Variants in HELZ observed in about 807,000 individuals in gnomAD.
HELZ encodes the protein ATP-dependent RNA helicase with zinc finger domain.
A neutral mutation model predicts 218.2 loss-of-function variants in HELZ; 23 were observed. The observed-to-expected ratio is 0.11, with a 90% CI of 0.08 to 0.15. The LOEUF (loss-of-function observed/expected upper bound fraction) is 0.15. Among genes scored for constraint, HELZ ranks in the 10% least tolerant of loss-of-function variants. The pLI, the probability that HELZ is intolerant of heterozygous loss-of-function variation, is 1.00. For missense variants in HELZ, 1,813 were observed against 2,353.7 expected, an observed-to-expected ratio of 0.77 and a Z score of 4.75; for synonymous variants, 814 against 829.4, an observed-to-expected ratio of 0.98 and a Z score of 0.32.
chr17:67,201,840 T>A (rs906781028), intron 6 of HELZ, among the ~76,000 whole-genome samples: 1 of 152,184 alleles, frequency 6.6e-6, no homozygotes, highest in African/African-American at 2.4e-5. Flanking sequence ...GCTATATAAT[T>A]TTTCTATGCT....
intron 31 of HELZ, among the ~76,000 whole-genome samples, chr17:67,103,372 C>T (rs2036987868): frequency 6.6e-6 from 1 of 151,942 alleles, no homozygotes; most frequent in Non-Finnish European, 1.5e-5. Flanking sequence ...AAGATATCTA[C>T]AAAAAAATCT....
At chr17:67,181,501 T>TG (rs2144242719) in intron 12 of HELZ, among the ~76,000 whole-genome samples, 1 of 152,342 alleles carries the variant, frequency 6.6e-6, no homozygotes, top group Admixed American at 6.5e-5. Flanking sequence ...CTTAAATGCT[T>TG]GTATCAAAAT....
chr17:67,228,556 G>C (rs561646965), intron 3 of HELZ, among the ~76,000 whole-genome samples: 2 of 151,936 alleles, frequency 1.3e-5, no homozygotes, highest in South Asian at 4.2e-4. Flanking sequence ...CCAGCTACTT[G>C]GAAGCTGAGA....
intron 4 of HELZ, 101 bp downstream of exon 4, chr17:67,218,494 A>T: frequency 1.1e-6 from 1 of 894,436 alleles, no homozygotes; most frequent in Non-Finnish European, 1.8e-6. Flanking sequence ...CACTTCACTC[A>T]CATCTCTTTG....
intron 17 of HELZ, among the ~76,000 whole-genome samples, chr17:67,155,930 G>A (rs1435895485): frequency 6.7e-6 from 1 of 149,588 alleles, no homozygotes; most frequent in East Asian, 1.9e-4. Flanking sequence ...ATGTGTGTGT[G>A]TATATATTAT....
intron 17 of HELZ, among the ~76,000 whole-genome samples, chr17:67,156,075 A>G (rs2038834266): frequency 6.7e-6 from 1 of 150,208 alleles, no homozygotes; most frequent in Admixed American, 6.6e-5. Flanking sequence ...ACTGCTAAAA[A>G]AGTAAAAAAT....
intron 32 of HELZ, among the ~76,000 whole-genome samples, chr17:67,084,790 A>G (rs2036312844): frequency 6.6e-6 from 1 of 152,228 alleles, no homozygotes; most frequent in Non-Finnish European, 1.5e-5. Flanking sequence ...GTTTGCCAGG[A>G]AATTCAAATA....
chr17:67,163,798 T>C (rs2039060015), intron 15 of HELZ, among the ~76,000 whole-genome samples: 1 of 152,158 alleles, frequency 6.6e-6, no homozygotes, highest in East Asian at 1.9e-4. Flanking sequence ...CCTCCCCAAG[T>C]GCTGGGATTA....
rs868432937 is a variant in HELZ at position 67,161,696 on chromosome 17, A to C, written c.1896-620T>G. Among the ~76,000 whole-genome samples, 55 of 152,366 alleles carry C rather than the reference A, an allele frequency of 3.6e-4. 2 individuals carry two copies. Among genetic ancestry groups the C allele is most frequent in the South Asian group, 1.7e-3 (8 of 4,830 alleles). ...TGTTTTTTAATATTTTTGCACACAC[A>C]CACAAATAATACACATATTATATTG... is the stretch of plus-strand genomic sequence containing the variant. On this transcript the variant is annotated intron_variant, in intron 15 of 32. Transcript: ENST00000358691.
At chr17:67,144,532 G>T (rs780041395) in intron 21 of HELZ, among the ~76,000 whole-genome samples, 1 of 150,768 alleles carries the variant, frequency 6.6e-6, no homozygotes, top group Non-Finnish European at 1.5e-5. Flanking sequence ...CCATGAACCG[G>T]CACCTTATTT....
chr17:67,111,367 A>G (rs887753029), intron 28 of HELZ, among the ~76,000 whole-genome samples: 1 of 152,228 alleles, frequency 6.6e-6, no homozygotes, highest in African/African-American at 2.4e-5. Context: ...CGGCTCTGTC[A>G]AAACACTCCA....
Position 67,108,327 on chromosome 17 carries a change from T to C in HELZ, c.4724+165A>G, listed in dbSNP as rs2037169852. 1.5e-5 allele frequency: 9 copies of C among 587,556 alleles called. No homozygotes were observed. The Admixed American group carries it at 2.3e-4, about 15-fold the overall frequency. 36.4% of individuals were successfully genotyped at this position (587,556 alleles called of 1,614,324 possible). A position where few individuals can be genotyped will look rare whatever the true frequency, so the allele number is the denominator to read the frequency against. On this transcript the variant is annotated intron_variant, in intron 30 of 32. Transcript: ENST00000358691. The surrounding 1 kb of genome is among the most constrained non-coding windows in gnomAD (Gnocchi z 4.1). ...AGAAGAGTTACTTCTAAATGAGTTTTCTGTATTTTAGAGTCAACAAGAGAA... is the reference window on the plus strand; with the variant it reads ...AGAAGAGTTACTTCTAAATGAGTTTCCTGTATTTTAGAGTCAACAAGAGAA...
chr17:67,136,586 C>T (rs965399151), intron 22 of HELZ, among the ~76,000 whole-genome samples: 7 of 152,288 alleles, frequency 4.6e-5, no homozygotes, highest in Non-Finnish European at 2.9e-5. Context: ...CAGAATGTGG[C>T]ATATACATAC....
At chr17:67,176,249 A>C (rs970375313) in intron 13 of HELZ, 3 of 152,216 alleles carry the variant, frequency 2.0e-5, no homozygotes, top group African/African-American at 7.2e-5. Flanking sequence ...GCATCTATAA[A>C]AAATTAGAAT....
chr17:67,082,888 G>C (rs1427498656), intron 32 of HELZ, among the ~76,000 whole-genome samples: 1 of 114,510 alleles, frequency 8.7e-6, no homozygotes, highest in Non-Finnish European at 1.7e-5. Context: ...ATGGAGTCTT[G>C]CTCTGTCGCC....
At chr17:67,089,100 A>G (rs890301510) in intron 31 of HELZ, among the ~76,000 whole-genome samples, 2 of 152,164 alleles carry the variant, frequency 1.3e-5, no homozygotes, top group Admixed American at 1.3e-4. Context: ...ATTACATTCT[A>G]AAGTTTTCAT....
At chr17:67,172,238 T>A (rs1233108303) in intron 13 of HELZ, among the ~76,000 whole-genome samples, 1 of 152,164 alleles carries the variant, frequency 6.6e-6, no homozygotes, top group Non-Finnish European at 1.5e-5. Context: ...CTACCCTCCT[T>A]TTCTCCACTA....
At chr17:67,113,999 G>A (rs1007067089) in intron 28 of HELZ, among the ~76,000 whole-genome samples, 1 of 152,178 alleles carries the variant, frequency 6.6e-6, no homozygotes, top group African/African-American at 2.4e-5. Flanking sequence ...CTCTGAGGAA[G>A]AAGTTCTCCT....
rs947163500 is a variant in HELZ at position 67,076,979 on chromosome 17, G to A, written c.*1273C>T. The A allele has an allele frequency of 1.3e-5, 2 of 152,092 alleles. No individual in the cohort carries two copies. The highest frequency in any genetic ancestry group is 2.4e-5 in the African/African-American group (1 of 41,420). 9.4% of individuals were successfully genotyped at this position (152,092 alleles called of 1,614,324 possible). A position where few individuals can be genotyped will look rare whatever the true frequency, so the allele number is the denominator to read the frequency against. ...TGTGACAAGACCATAAGTTTCAAGA[G>A]GGTAAACATCTTCCTTTGGATTTTA... On this transcript the variant is annotated 3_prime_UTR_variant, in exon 33 of 33. Coordinates refer to ENST00000358691, the MANE Select transcript of HELZ (RefSeq NM_014877.4).
Sources: allele counts gnomAD v4.1 joint callset (sites outside exome capture counted in the v4.1 genomes callset), GRCh38; gene constraint gnomAD v4.1.1; non-coding constraint Gnocchi (gnomAD v3.1); transcripts MANE v1.5; gene names NCBI Gene and HGNC (gene_info 2026-07-23, HGNC 2026-07-21).